GABRR1: variants seen among roughly 807,000 people sequenced by gnomAD.
GABRR1 encodes gamma-aminobutyric acid receptor subunit rho-1.
In GABRR1, 59 loss-of-function variants were observed where a neutral mutation model predicts 55.5. That is an observed-to-expected ratio of 1.06 (90% confidence interval 0.86 to 1.32). The LOEUF (loss-of-function observed/expected upper bound fraction) is 1.32. GABRR1 is among the 40% of genes most tolerant of loss of function. The pLI is 0.00. For missense variants in GABRR1, 602 were observed against 619.1 expected (o/e 0.97, Z 0.29); for synonymous variants, 213 against 226.0 (o/e 0.94, Z 0.51).
intron 1 of GABRR1, among the ~76,000 whole-genome samples, chr6:89,214,205 T>G (rs1772916054): frequency 4.4e-5 from 1 of 22,622 alleles, no homozygotes; most frequent in Non-Finnish European, 1.1e-4. Flanking sequence ...CTTTGTAATT[T>G]TACTTTTAAA....
At chr6:89,198,327 A>G in intron 4 of GABRR1, 84 bp from the exon 5 acceptor site, 1 of 1,035,066 alleles carries the variant, frequency 9.7e-7, no homozygotes, top group Non-Finnish European at 1.5e-6. Context: ...TGGAGCCATC[A>G]CTTGGCTGGG....
chr6:89,223,770 T>G (rs1323720411), intron 1 of GABRR1, among the ~76,000 whole-genome samples: 2 of 151,594 alleles, frequency 1.3e-5, no homozygotes, highest in East Asian at 1.9e-4. Context: ...ATTGTGGGTT[T>G]TTTTTTTTTT....
chr6:89,225,788 G>A (rs2127812666), intron 1 of GABRR1, among the ~76,000 whole-genome samples: 1 of 125,696 alleles, frequency 8.0e-6, no homozygotes, highest in African/African-American at 3.2e-5. Flanking sequence ...CCAGTAATGG[G>A]ATGGCTGGGT....
intron 8 of GABRR1, 34 bp from the exon 9 acceptor site, chr6:89,180,522 T>TGCC: frequency 3.7e-6 from 6 of 1,605,350 alleles, no homozygotes; most frequent in Non-Finnish European, 5.1e-6. Context: ...AAGTGTTTGC[T>TGCC]TGTCTTTCAC....
chr6:89,200,507 G>A (rs866504080), intron 3 of GABRR1, among the ~76,000 whole-genome samples: 1 of 151,814 alleles, frequency 6.6e-6, no homozygotes, highest in East Asian at 1.9e-4. Context: ...CCTCAGCCAT[G>A]GCAGATGAAA....
intron 5 of GABRR1, among the ~76,000 whole-genome samples, chr6:89,194,674 A>G (rs1772206965): frequency 6.6e-6 from 1 of 152,144 alleles, no homozygotes; most frequent in Non-Finnish European, 1.5e-5. Context: ...TAACAAAGAG[A>G]CTGAAATAAC....
chr6:89,182,184 T>C (rs910546767), intron 7 of GABRR1, 127 bp from the exon 8 acceptor site: 2 of 858,442 alleles, frequency 2.3e-6, no homozygotes, highest in Non-Finnish European at 3.5e-6. Context: ...AAGGTGAAAT[T>C]GAGAGAAATC....
At chr6:89,208,318 T>C (rs529286309) in intron 1 of GABRR1, among the ~76,000 whole-genome samples, 43 of 152,356 alleles carry the variant, frequency 2.8e-4, no homozygotes, top group African/African-American at 9.6e-4. Flanking sequence ...TGGCTGTAAA[T>C]ATTAAATAGT....
At chr6:89,217,403 G>A, upstream of GABRR1, 1 of 1,491,200 alleles carries the variant, frequency 6.7e-7, no homozygotes, top group Non-Finnish European at 9.1e-7. Flanking sequence ...GACATTATTG[G>A]TCTGTTCATT....
intron 9 of GABRR1, 142 bp from the exon 10 acceptor site, chr6:89,179,205 GTTTTT>G: frequency 1.2e-6 from 1 of 811,592 alleles, no homozygotes; most frequent in Non-Finnish European, 1.8e-6. Context: ...GTTTTGTTTT[GTTTTT>G]GTTTTTGTTT....
chr6:89,201,561 C>T (rs575602030), intron 2 of GABRR1, among the ~76,000 whole-genome samples: 2 of 152,188 alleles, frequency 1.3e-5, no homozygotes, highest in African/African-American at 2.4e-5. Flanking sequence ...GGGTGGATCA[C>T]GAGGTCAGGA....
chr6:89,201,760 C>T (rs1163314975), intron 2 of GABRR1, among the ~76,000 whole-genome samples: 1 of 133,642 alleles, frequency 7.5e-6, no homozygotes, highest in African/African-American at 2.8e-5. Context: ...GCCTGGGCAA[C>T]AGAGTGAGAC....
intron 1 of GABRR1, among the ~76,000 whole-genome samples, chr6:89,209,945 A>G (rs1772772637): frequency 6.6e-6 from 1 of 152,178 alleles, no homozygotes; most frequent in African/African-American, 2.4e-5. Context: ...ACTGTTTGTG[A>G]CGTACAAAAA....
intron 3 of GABRR1, 78 bp downstream of exon 3, chr6:89,201,081 G>T: frequency 9.5e-7 from 1 of 1,047,814 alleles, no homozygotes; most frequent in Non-Finnish European, 1.5e-6. Context: ...GCAAAGCTGT[G>T]CTGTCCCTTG....
At chr6:89,202,229 C>T (rs1427595550) in intron 2 of GABRR1, among the ~76,000 whole-genome samples, 1 of 152,174 alleles carries the variant, frequency 6.6e-6, no homozygotes, top group Non-Finnish European at 1.5e-5. Context: ...GAAGACTCAG[C>T]CTCCCACTTC....
chr6:89,223,222 C>T (rs1773139443), intron 1 of GABRR1, among the ~76,000 whole-genome samples: 1 of 152,138 alleles, frequency 6.6e-6, no homozygotes, highest in Non-Finnish European at 1.5e-5. Flanking sequence ...TCCCCGAGTC[C>T]TCTAAGTCCA....
chr6:89,190,375 T>C (rs1459763994), intron 5 of GABRR1, 128 bp from the exon 6 acceptor site: 17 of 584,948 alleles, frequency 2.9e-5, no homozygotes, highest in Non-Finnish European at 4.5e-5. Flanking sequence ...ATAAGCAATG[T>C]GTCAGGGTTT....
chr6:89,179,212 T>G, intron 9 of GABRR1, 149 bp from the exon 10 acceptor site: 2 of 828,238 alleles, frequency 2.4e-6, no homozygotes, highest in Non-Finnish European at 3.6e-6. Flanking sequence ...TTTGTTTTTG[T>G]TTTTGTTTTT....
chr6:89,189,389 T>A (rs1772014185), intron 6 of GABRR1, among the ~76,000 whole-genome samples: 1 of 146,484 alleles, frequency 6.8e-6, no homozygotes, highest in African/African-American at 2.5e-5. Flanking sequence ...GAAACCATCA[T>A]TCTCAGTAAA....
Sources: allele counts gnomAD v4.1 joint callset (sites outside exome capture counted in the v4.1 genomes callset), GRCh38; gene constraint gnomAD v4.1.1; transcripts MANE v1.5; gene names NCBI Gene and HGNC (gene_info 2026-07-23, HGNC 2026-07-21).